Variants in PITPNA observed in about 807,000 individuals in gnomAD.
PITPNA encodes phosphatidylinositol transfer protein alpha.
Under a neutral mutation model 50.3 loss-of-function variants are expected in PITPNA, and 13 were observed. That is an observed-to-expected ratio of 0.26 (90% CI 0.17 to 0.41). The LOEUF is 0.41. Among genes scored for constraint, PITPNA ranks in the 10% least tolerant of loss-of-function variants. The probability of loss-of-function intolerance (pLI) is 1.00; values close to 1 mark genes in which losing one functional copy is unlikely to be tolerated. For missense variants in PITPNA, 207 were observed against 333.4 expected (o/e 0.62, Z 2.95); for synonymous variants, 120 against 119.6 (o/e 1.00, Z -0.02).
chr17:1,534,058 G>T, intron 10 of PITPNA, 41 bp downstream of exon 10: 1 of 1,611,222 alleles, frequency 6.2e-7, no homozygotes, highest in Non-Finnish European at 8.5e-7. Context: ...CTTAATCTTC[G>T]TTTGTTTATC....
chr17:1,560,679 G>A (rs2075763714), intron 1 of PITPNA, among the ~76,000 whole-genome samples: 1 of 152,202 alleles, frequency 6.6e-6, no homozygotes, highest in Non-Finnish European at 1.5e-5. Context: ...AAAAGAATCA[G>A]AAGGATGGGA....
intron 2 of PITPNA, among the ~76,000 whole-genome samples, chr17:1,556,946 T>C (rs369125301): frequency 6.6e-6 from 1 of 151,770 alleles, no homozygotes; most frequent in Non-Finnish European, 1.5e-5. Flanking sequence ...AAAATAAATA[T>C]TATAAAATAA....
chr17:1,555,397 G>C (rs118070911), intron 2 of PITPNA, among the ~76,000 whole-genome samples: 1 of 152,204 alleles, frequency 6.6e-6, no homozygotes, highest in African/African-American at 2.4e-5. Flanking sequence ...CGCTTTTCAC[G>C]TTAGAGTTCC....
At chr17:1,527,248 GGT>G (rs2075553153) in intron 10 of PITPNA, among the ~76,000 whole-genome samples, 1 of 152,052 alleles carries the variant, frequency 6.6e-6, no homozygotes, top group Admixed American at 6.6e-5. Flanking sequence ...AATCCTGGTT[GGT>G]TGGTTTGTTT....
At chr17:1,561,038 A>T (rs940938126) in intron 1 of PITPNA, among the ~76,000 whole-genome samples, 1 of 152,150 alleles carries the variant, frequency 6.6e-6, no homozygotes, top group Non-Finnish European at 1.5e-5. Context: ...CTGCCTCACA[A>T]GTTGCTCTCT....
At position 1,522,216 on chromosome 17, in the gene PITPNA, C is replaced by T. The variant is rs368902908; in HGVS notation, c.769-571G>A. Among the ~76,000 whole-genome samples, 45 of 151,074 alleles carry T rather than the reference C, an allele frequency of 3.0e-4. 1 individual carries two copies. In the East Asian group the frequency reaches 7.0e-3, roughly 23 times the overall value. On this transcript the variant is annotated intron_variant, in intron 10 of 11. Transcript: ENST00000313486. ...CCTCCCGAGTAGCTGGGACTACAGG[C>T]GCCCGCCACCGCGCCCGGCTAATTT...
At position 1,533,696 on chromosome 17, in the gene PITPNA, C is replaced by T. The variant is rs141103966; in HGVS notation, c.768+403G>A. ...GACAGCCGCCAGCTGTCAGCTCCTG[C>T]GTGCGCTGTGGCTGTCCTCTGTGGG... On this transcript the variant is annotated intron_variant, in intron 10 of 11. Coordinates refer to ENST00000313486, the MANE Select transcript of PITPNA (RefSeq NM_006224.4). Among the ~76,000 whole-genome samples the T allele has an allele frequency of 2.6e-5, 4 of 152,308 alleles. No individual in the cohort carries two copies. The East Asian group carries it at 5.8e-4, about 22-fold the overall frequency.
intron 10 of PITPNA, among the ~76,000 whole-genome samples, chr17:1,526,359 A>C (rs2075548074): frequency 6.6e-6 from 1 of 152,230 alleles, no homozygotes; most frequent in Non-Finnish European, 1.5e-5. Flanking sequence ...AGCTGTGATG[A>C]ATGGGGTGAA....
chr17:1,559,850 A>G lies in PITPNA; in HGVS notation c.21-1291T>C, dbSNP rs1416742895. 5.0e-6 allele frequency: 4 copies of G among 798,056 alleles called. No homozygotes were observed. In the East Asian group the frequency reaches 3.8e-4, roughly 75 times the overall value. The allele number at this position is 798,056 out of a possible 1,614,324, so 49.4% of individuals were successfully genotyped here. On this transcript the variant is annotated intron_variant, in intron 1 of 11. Transcript: ENST00000313486. ...CTAACAACTCCCTTCCTCCAGAGCA[A>G]CTCAAACAACATAAATCCTCCAGTT...
chr17:1,550,674 G>T (rs937544357), intron 3 of PITPNA, among the ~76,000 whole-genome samples: 1 of 152,120 alleles, frequency 6.6e-6, no homozygotes, highest in African/African-American at 2.4e-5. Context: ...GACTACAGGT[G>T]CACACCACTA....
At chr17:1,521,217 A>T (rs1375331233) in intron 11 of PITPNA, among the ~76,000 whole-genome samples, 2 of 152,212 alleles carry the variant, frequency 1.3e-5, no homozygotes, top group Admixed American at 1.3e-4. Context: ...AGGTAATGGC[A>T]GCTTTTGGGA....
chr17:1,541,660 T>C lies in PITPNA; in HGVS notation c.298-20A>G, dbSNP rs768370894. 6.7e-6 allele frequency: 10 copies of C among 1,497,064 alleles called. No individual in the cohort carries two copies. The highest frequency in any genetic ancestry group is 4.1e-5 in the African/African-American group (3 of 72,688). The allele number at this position is 1,497,064 out of a possible 1,614,324, so 92.7% of individuals were successfully genotyped here. A position where few individuals can be genotyped will look rare whatever the true frequency, so the allele number is the denominator to read the frequency against. ...CTCATTCTGGAAGAAGGAAAAAAAA[T>C]ACATGAAAGTCACTAGGTTCACAGT... is the stretch of plus-strand genomic sequence containing the variant. On this transcript the variant is annotated intron_variant, in intron 5 of 11. Transcript: ENST00000313486.
chr17:1,535,133 C>A (rs763992044), intron 9 of PITPNA, 49 bp downstream of exon 9: 71 of 1,178,830 alleles, frequency 6.0e-5, no homozygotes, highest in African/African-American at 1.8e-4. Flanking sequence ...ACCACCCCCC[C>A]ACAACACACA....
intron 10 of PITPNA, among the ~76,000 whole-genome samples, chr17:1,529,954 A>G (rs1472423306): frequency 6.6e-6 from 1 of 152,236 alleles, no homozygotes; most frequent in African/African-American, 2.4e-5. Context: ...CCAAAGGCCA[A>G]GAGGTACTTG....
chr17:1,529,997 T>C (rs144160115), intron 10 of PITPNA, among the ~76,000 whole-genome samples: 71 of 152,330 alleles, frequency 4.7e-4, no homozygotes, highest in African/African-American at 1.6e-3. Context: ...TCAACTTCTG[T>C]GAGCCACAGT....
At chr17:1,532,028 G>A (rs1427392608) in intron 10 of PITPNA, among the ~76,000 whole-genome samples, 1 of 152,124 alleles carries the variant, frequency 6.6e-6, no homozygotes, top group South Asian at 2.1e-4. Context: ...TATCCTGGAG[G>A]ACAGTGATCA....
At chr17:1,548,828 C>T (rs2075692495) in intron 3 of PITPNA, among the ~76,000 whole-genome samples, 1 of 152,218 alleles carries the variant, frequency 6.6e-6, no homozygotes, top group Non-Finnish European at 1.5e-5. Flanking sequence ...CTGCTTTCAT[C>T]AGCTCTGAGA....
At chr17:1,554,694 T>C (rs1359933241) in intron 2 of PITPNA, among the ~76,000 whole-genome samples, 2 of 152,152 alleles carry the variant, frequency 1.3e-5, no homozygotes, top group Non-Finnish European at 2.9e-5. Flanking sequence ...TCCTAAGCAC[T>C]GCAGGGAAAT....
At chr17:1,523,404 G>A (rs916866010) in intron 10 of PITPNA, among the ~76,000 whole-genome samples, 17 of 151,814 alleles carry the variant, frequency 1.1e-4, no homozygotes, top group African/African-American at 3.9e-4. Context: ...GTGCAGTGGC[G>A]CAATCATGGC....
Sources: allele counts gnomAD v4.1 joint callset (sites outside exome capture counted in the v4.1 genomes callset), GRCh38; gene constraint gnomAD v4.1.1; transcripts MANE v1.5; gene names NCBI Gene and HGNC (gene_info 2026-07-23, HGNC 2026-07-21).